TTC27: variants seen among roughly 807,000 people sequenced by gnomAD.
TTC27 encodes the protein tetratricopeptide repeat protein 27.
Under a neutral mutation model 115.9 loss-of-function variants are expected in TTC27, and 79 were observed. The ratio of observed to expected loss-of-function variants is 0.68; its 90% CI spans 0.57 to 0.82. The LOEUF (loss-of-function observed/expected upper bound fraction) is 0.82. TTC27 is among the 40% of genes least tolerant of loss of function. The pLI, the probability that TTC27 is intolerant of heterozygous loss-of-function variation, is 0.00. For missense variants in TTC27, 1,054 were observed against 993.1 expected (o/e 1.06, Z -0.82); for synonymous variants, 401 against 356.0 (o/e 1.13, Z -1.42).
chr2:32,749,295 G>A (rs937999755), intron 12 of TTC27, among the ~76,000 whole-genome samples: 3 of 152,098 alleles, frequency 2.0e-5, no homozygotes, highest in Non-Finnish European at 4.4e-5. Context: ...CACTAGACTG[G>A]GCATATGATG....
intron 1 of TTC27, among the ~76,000 whole-genome samples, chr2:32,629,256 G>A (rs1572453039): frequency 1.3e-5 from 2 of 151,840 alleles, no homozygotes; most frequent in Non-Finnish European, 2.9e-5. Flanking sequence ...AAAGTAGCTG[G>A]GACTACAGGC....
chr2:32,730,264 A>G (rs529874361), intron 10 of TTC27, among the ~76,000 whole-genome samples: 1 of 152,272 alleles, frequency 6.6e-6, no homozygotes, highest in East Asian at 1.9e-4. Context: ...ATAAAGCCAT[A>G]CTCCTAGACC....
chr2:32,657,352 T>TG (rs1204512751), intron 5 of TTC27, among the ~76,000 whole-genome samples: 1 of 145,286 alleles, frequency 6.9e-6, no homozygotes, highest in Non-Finnish European at 1.5e-5. Context: ...ACACTGTCTT[T>TG]CTTTTTTTTT....
chr2:32,729,272 A>C (rs1171954623), intron 10 of TTC27, among the ~76,000 whole-genome samples: 2 of 152,224 alleles, frequency 1.3e-5, no homozygotes, highest in African/African-American at 2.4e-5. Flanking sequence ...GACATTTTTC[A>C]GAATTGTCCT....
chr2:32,661,107 T>A (rs557341486), intron 5 of TTC27, among the ~76,000 whole-genome samples: 16 of 152,114 alleles, frequency 1.1e-4, no homozygotes, highest in African/African-American at 3.9e-4. Flanking sequence ...CTGAGGCCTC[T>A]ACTCTGTTTC....
rs1158508588 is a variant in TTC27, at chr2:32,708,304, G to GTTTTTTTTTTTTTTTTTTTTT, written c.1233+5386_1233+5406dup. On this transcript the variant is annotated intron_variant, in intron 10 of 19. Transcript: ENST00000317907. Reference sequence around the variant, plus strand: ...AATAGCGTTTTCTTTTCTCTACCTTGTTTTTTTTTTTTTTTTTTTTTTAAT... The same window carrying GTTTTTTTTTTTTTTTTTTTTT: ...AATAGCGTTTTCTTTTCTCTACCTTGTTTTTTTTTTTTTTTTTTTTTTTTTTTTTTTTTTTTTTTTTTTAAT... 2.9e-4 allele frequency among the ~76,000 whole-genome samples: 18 copies of GTTTTTTTTTTTTTTTTTTTTT among 61,352 alleles called. 2 individuals carry two copies. The highest frequency in any genetic ancestry group is 4.4e-4 in the Non-Finnish European group (14 of 32,168). The allele number at this position is 61,352 out of a possible 152,430, so 40.2% of individuals were successfully genotyped here.
At chr2:32,810,472 T>C (rs1472213046) in intron 16 of TTC27, among the ~76,000 whole-genome samples, 2 of 152,166 alleles carry the variant, frequency 1.3e-5, no homozygotes, top group Non-Finnish European at 2.9e-5. Flanking sequence ...AAGTGGGAGA[T>C]AATCTAGGTT....
At chr2:32,660,975 T>C (rs890561226) in intron 5 of TTC27, among the ~76,000 whole-genome samples, 3 of 152,258 alleles carry the variant, frequency 2.0e-5, no homozygotes, top group East Asian at 3.9e-4. Flanking sequence ...CCAGTTTCAG[T>C]TTTCTGCATA....
chr2:32,694,050 T>TA (rs1666901848), intron 9 of TTC27, among the ~76,000 whole-genome samples: 2 of 152,242 alleles, frequency 1.3e-5, no homozygotes, highest in South Asian at 2.1e-4. Flanking sequence ...GTTGAGTAGT[T>TA]ACTGCATTTT....
chr2:32,791,745 T>A (rs6753179), intron 16 of TTC27, among the ~76,000 whole-genome samples: 1 of 151,980 alleles, frequency 6.6e-6, no homozygotes, highest in Non-Finnish European at 1.5e-5. Context: ...CATGGTGGGA[T>A]GTGCCTACAG....
At chr2:32,756,792 C>G (rs1669248541) in intron 12 of TTC27, among the ~76,000 whole-genome samples, 1 of 152,206 alleles carries the variant, frequency 6.6e-6, no homozygotes. Context: ...CTTGGCAGCA[C>G]CACTGCTGTT....
chr2:32,742,493 T>C (rs561097383), intron 12 of TTC27, among the ~76,000 whole-genome samples: 108 of 152,334 alleles, frequency 7.1e-4, no homozygotes, highest in African/African-American at 2.4e-3. Context: ...AAACAATTAG[T>C]GAACATTTGG....
At chr2:32,767,283 G>A (rs1669661960) in intron 13 of TTC27, among the ~76,000 whole-genome samples, 1 of 152,062 alleles carries the variant, frequency 6.6e-6, no homozygotes, top group Non-Finnish European at 1.5e-5. Context: ...AGAGCAGACT[G>A]TAATAGAGGC....
chr2:32,710,963 A>G (rs1392165213), intron 10 of TTC27, among the ~76,000 whole-genome samples: 1 of 151,262 alleles, frequency 6.6e-6, no homozygotes, highest in Non-Finnish European at 1.5e-5. Context: ...AAAAATACAA[A>G]ACAATTAGCT....
intron 13 of TTC27, among the ~76,000 whole-genome samples, chr2:32,770,763 T>C (rs1306011564): frequency 1.3e-5 from 2 of 152,204 alleles, no homozygotes; most frequent in East Asian, 3.8e-4. Flanking sequence ...TTGATTTAAC[T>C]TTTTCTTTCA....
intron 6 of TTC27, among the ~76,000 whole-genome samples, chr2:32,665,919 A>G (rs1665758173): frequency 6.6e-6 from 1 of 152,164 alleles, no homozygotes; most frequent in African/African-American, 2.4e-5. Context: ...AAAATAAAAA[A>G]GTAAGCTGTA....
At chr2:32,657,478 C>G (rs918418214) in intron 5 of TTC27, among the ~76,000 whole-genome samples, 10 of 151,448 alleles carry the variant, frequency 6.6e-5, no homozygotes, top group African/African-American at 2.4e-5. Flanking sequence ...CTCAGCCTCC[C>G]GAGCAGCTAG....
intron 10 of TTC27, among the ~76,000 whole-genome samples, chr2:32,730,575 G>A (rs1364234224): frequency 1.3e-5 from 2 of 150,224 alleles, no homozygotes; most frequent in African/African-American, 4.9e-5. Context: ...TTTGGATCCA[G>A]TAGAGGAAGT....
chr2:32,674,412 A>G (rs1666122735), intron 8 of TTC27, among the ~76,000 whole-genome samples: 2 of 152,024 alleles, frequency 1.3e-5, no homozygotes, highest in Admixed American at 6.6e-5. Flanking sequence ...CAGCCTCCCA[A>G]AGTGCTGGGA....
Sources: allele counts gnomAD v4.1 joint callset (sites outside exome capture counted in the v4.1 genomes callset), GRCh38; gene constraint gnomAD v4.1.1; transcripts MANE v1.5; gene names NCBI Gene and HGNC (gene_info 2026-07-23, HGNC 2026-07-21).